ABAT: variants seen among roughly 807,000 people sequenced by gnomAD.
ABAT encodes 4-aminobutyrate aminotransferase, also known as 4-aminobutyrate aminotransferase, mitochondrial.
In ABAT, 45 loss-of-function variants were observed where a neutral mutation model predicts 64.6. That is an observed-to-expected ratio of 0.70 (90% confidence interval 0.55 to 0.89). ABAT has a LOEUF of 0.89. Ranked by LOEUF, ABAT falls within the 40% of genes least tolerant of loss-of-function variation. The pLI, the probability that ABAT is intolerant of heterozygous loss-of-function variation, is 0.00. For missense variants in ABAT, 633 were observed against 658.4 expected (o/e 0.96, Z 0.42); for synonymous variants, 297 against 250.5 (o/e 1.19, Z -1.75).
In ABAT at chr16:8,782,143, AC is replaced by A. The variant is rs2060454048; in HGVS notation, c.*714del. The A allele has an allele frequency of 6.5e-6, 1 of 153,080 alleles. No individual in the cohort carries two copies. Among genetic ancestry groups the A allele is most frequent in the Non-Finnish European group, 1.5e-5 (1 of 68,778 alleles). The allele number at this position is 153,080 out of a possible 1,614,324, so 9.5% of individuals were successfully genotyped here. A position where few individuals can be genotyped will look rare whatever the true frequency, so the allele number is the denominator to read the frequency against. ...CCAGGTGGCCTTACCCGTGATTCTT[AC>A]TCGGCATCCTCCATTCCCCAAACTC... On this transcript the variant is annotated 3_prime_UTR_variant, in exon 16 of 16. Coordinates refer to ENST00000268251, the MANE Select transcript of ABAT (RefSeq NM_020686.6).
intron 2 of ABAT, among the ~76,000 whole-genome samples, chr16:8,737,929 A>AT (rs2059000395): frequency 9.2e-6 from 1 of 109,084 alleles, no homozygotes; most frequent in Non-Finnish European, 1.9e-5. Flanking sequence ...TTAAAAAAAA[A>AT]AAAAAGAAAG....
chr16:8,711,338 G>A (rs994195468), intron 1 of ABAT, among the ~76,000 whole-genome samples: 7 of 152,204 alleles, frequency 4.6e-5, no homozygotes, highest in African/African-American at 1.7e-4. Flanking sequence ...GGTAGGAAAC[G>A]ATGGGTACCT....
chr16:8,713,202 T>C (rs1164892402), intron 1 of ABAT: 2 of 151,712 alleles, frequency 1.3e-5, no homozygotes, highest in African/African-American at 4.8e-5. Flanking sequence ...CAACACTGCA[T>C]CAGCAGAGTC....
At chr16:8,780,021 C>G (rs2143004323) in intron 15 of ABAT, among the ~76,000 whole-genome samples, 1 of 152,198 alleles carries the variant, frequency 6.6e-6, no homozygotes, top group South Asian at 2.1e-4. Context: ...GGGCAGGCTC[C>G]CTTGAGGAAG....
In ABAT at chr16:8,768,786, C is replaced by T. The variant is rs138128074; in HGVS notation, c.668-39C>T. ...TACAAAGACGGTACTGCCTGCTTCCCCAAGCCAAGCGTCTGCTTTTCTGTT... is the reference window on the plus strand; with the variant it reads ...TACAAAGACGGTACTGCCTGCTTCCTCAAGCCAAGCGTCTGCTTTTCTGTT... On this transcript the variant is annotated intron_variant, in intron 10 of 15. Coordinates refer to ENST00000268251, the MANE Select transcript of ABAT (RefSeq NM_020686.6). 1.0e-4 allele frequency: 163 copies of T among 1,613,672 alleles called. No homozygotes were observed. In the African/African-American group the frequency reaches 2.0e-3, roughly 20 times the overall value.
intron 2 of ABAT, chr16:8,736,079 G>A (rs946245535): frequency 1.1e-5 from 5 of 469,312 alleles, no homozygotes; most frequent in Non-Finnish European, 1.6e-5. Flanking sequence ...GAGGAACAAA[G>A]GCACGTCTTA....
At chr16:8,688,407 C>A (rs995244488) in intron 1 of ABAT, among the ~76,000 whole-genome samples, 1 of 152,196 alleles carries the variant, frequency 6.6e-6, no homozygotes, top group East Asian at 1.9e-4. Context: ...TGGAGGACCT[C>A]CCAGGGCCAG....
chr16:8,678,764 G>T (rs1237354040), intron 1 of ABAT, among the ~76,000 whole-genome samples: 2 of 152,174 alleles, frequency 1.3e-5, no homozygotes. Flanking sequence ...GTGGGAGAAT[G>T]AGTAGATTTT....
chr16:8,758,779 A>G (rs1015283481), intron 6 of ABAT, among the ~76,000 whole-genome samples: 1 of 152,128 alleles, frequency 6.6e-6, no homozygotes, highest in African/African-American at 2.4e-5. Flanking sequence ...ATCCGAAGAG[A>G]GATAGAGAGC....
Position 8,781,588 on chromosome 16 carries a change from G to T in ABAT, c.*158G>T, listed in dbSNP as rs944361463. The stretch of plus-strand genomic sequence containing the variant: ...GCATTTTTGGTGGTCTTGGGGGAGG[G>T]GAGGGGAGGGAAGGGCTGGTGTTGA... On this transcript the variant is annotated 3_prime_UTR_variant, in exon 16 of 16. Coordinates refer to ENST00000268251, the MANE Select transcript of ABAT (RefSeq NM_020686.6). The surrounding 1 kb of genome is among the most constrained non-coding windows in gnomAD (Gnocchi z 4.5). 2.2e-6 allele frequency: 2 copies of T among 912,746 alleles called. No homozygotes were observed. The highest frequency in any genetic ancestry group is 3.4e-6 in the Non-Finnish European group (2 of 585,394). 56.5% of individuals were successfully genotyped at this position (912,746 alleles called of 1,614,324 possible). A position where few individuals can be genotyped will look rare whatever the true frequency, so the allele number is the denominator to read the frequency against.
In ABAT at chr16:8,697,642, G is replaced by T. The variant is rs60489992; in HGVS notation, c.-42+22931G>T. ...TTTGTTGTTTGTTTTTTGTTTTTTG[G>T]TTTTTTTTTTGGAGATGGGGTCTTG... On this transcript the variant is annotated intron_variant, in intron 1 of 15. Transcript: ENST00000268251. Among the ~76,000 whole-genome samples the T allele has an allele frequency of 5.0e-3, 742 of 149,086 alleles. 10 individuals carry two copies. The highest frequency in any genetic ancestry group is 0.018 in the African/African-American group (714 of 40,622).
intron 1 of ABAT, among the ~76,000 whole-genome samples, chr16:8,687,394 C>T (rs527352529): frequency 4.1e-4 from 62 of 151,892 alleles, no homozygotes; most frequent in African/African-American, 1.4e-3. Context: ...GGTGTTGTGG[C>T]GCATGCCTGT....
intron 1 of ABAT, among the ~76,000 whole-genome samples, chr16:8,727,016 T>C (rs192795618): frequency 2.0e-5 from 3 of 152,360 alleles, no homozygotes; most frequent in Non-Finnish European, 4.4e-5. Flanking sequence ...TTCAAATCTT[T>C]TGTCCATTTT....
rs761741642 is a variant in ABAT, at chr16:8,781,288, C to A, written c.1382-21C>A. ...TGACTTTGAGAAACCACGCTCCTCA[C>A]CTACCTCCTGCCTCTTTCAGGTGTG... On this transcript the variant is annotated intron_variant, in intron 15 of 15. Transcript: ENST00000268251. This position sits in a 1 kb window ranked among gnomAD's most constrained non-coding sequence, Gnocchi z 4.5. 2 of 1,613,920 alleles carry A rather than the reference C, an allele frequency of 1.2e-6. No individual in the cohort carries two copies. Among genetic ancestry groups the A allele is most frequent in the Non-Finnish European group, 1.7e-6 (2 of 1,179,940 alleles).
chr16:8,738,003 A>G (rs1203239073), intron 2 of ABAT, among the ~76,000 whole-genome samples: 3 of 122,924 alleles, frequency 2.4e-5, no homozygotes, highest in Admixed American at 8.2e-5. Flanking sequence ...AAAGAAAGAA[A>G]GAAAGAAAGA....
At chr16:8,693,141 C>T (rs1231083461) in intron 1 of ABAT, among the ~76,000 whole-genome samples, 2 of 152,212 alleles carry the variant, frequency 1.3e-5, no homozygotes, top group Non-Finnish European at 2.9e-5. Flanking sequence ...AGGCTTGAGC[C>T]ACAATGCCCA....
chr16:8,718,845 C>G (rs1263255247), intron 1 of ABAT, among the ~76,000 whole-genome samples: 2 of 152,184 alleles, frequency 1.3e-5, no homozygotes, highest in Admixed American at 6.5e-5. Context: ...CTTTGAATTA[C>G]AGAAAAGTTA....
chr16:8,675,205 A>G (rs1262749278), intron 1 of ABAT, among the ~76,000 whole-genome samples: 1 of 151,500 alleles, frequency 6.6e-6, no homozygotes, highest in African/African-American at 2.4e-5. Context: ...CGGAGCAGAG[A>G]CTCTGCAAGT....
At chr16:8,753,286 G>A (rs12448478) in intron 5 of ABAT, among the ~76,000 whole-genome samples, 140,863 of 152,038 alleles carry the variant, frequency 0.93, 65,992 homozygotes, top group East Asian at 1. Flanking sequence ...TAGTAGAGAC[G>A]GGGTTTCACC....
Sources: gnomAD v4.1 joint callset for allele counts (sites outside exome capture counted in the v4.1 genomes callset) on GRCh38, gnomAD v4.1.1 for gene constraint, Gnocchi (gnomAD v3.1) non-coding constraint, MANE v1.5 for transcripts, NCBI Gene and HGNC (gene_info 2026-07-23, HGNC 2026-07-21) for gene names.